The following UTRN variants were observed in gnomAD, a reference collection of about 807,000 sequenced individuals.
UTRN encodes dystrophin-related protein 1.
UTRN carries 283 observed loss-of-function variants against 463.9 expected under a neutral mutation model. The observed-to-expected ratio is 0.61, with a 90% CI of 0.55 to 0.67. The LOEUF is 0.67. UTRN is among the 30% of genes least tolerant of loss of function. The pLI is 0.00. For synonymous variants in UTRN, 1,442 were observed against 1,431.5 expected (o/e 1.01, Z -0.17); for missense variants, 3,922 against 4,084.3 (o/e 0.96, Z 1.08).
chr6:144,461,303 T>C lies in UTRN; in HGVS notation c.2814T>C (p.Asn938=), dbSNP rs761414758. 7 of 1,596,488 alleles carry C rather than the reference T, an allele frequency of 4.4e-6. No homozygotes were observed. The Admixed American group carries it at 5.1e-5, about 12-fold the overall frequency. The change falls in exon 22 of 75, where the codon AAT becomes AAC. Residue 938 remains asparagine (N), a synonymous_variant. Coordinates refer to ENST00000367545, the MANE Select transcript of UTRN (RefSeq NM_007124.3). The part of the protein sequence containing the change: ...NKAQVSLNVL[N]DLAKVEKALQ... ...CCCAGGTGTCTCTGAATGTCCTTAA[T>C]GATCTTGCCAAGGTGGAGAAGGCCC... is the stretch of plus-strand genomic sequence containing the variant.
At chr6:144,782,973 A>G (rs1775978614) in intron 61 of UTRN, among the ~76,000 whole-genome samples, 1 of 152,110 alleles carries the variant, frequency 6.6e-6, no homozygotes, top group South Asian at 2.1e-4. Flanking sequence ...AGGTGGGTGG[A>G]TCACCTGAGG....
At chr6:144,505,378 A>C (rs535517158) in intron 34 of UTRN, among the ~76,000 whole-genome samples, 1 of 151,892 alleles carries the variant, frequency 6.6e-6, no homozygotes, top group Non-Finnish European at 1.5e-5. Flanking sequence ...CTGCTTTCTC[A>C]TGTGGGCAGT....
At position 144,828,837 on chromosome 6, in the gene UTRN, G is replaced by C. The variant is rs915522376; in HGVS notation, c.9647G>C (p.Ser3216Thr). 1 of 1,613,302 alleles carries C rather than the reference G, an allele frequency of 6.2e-7. No individual in the cohort carries two copies. Among genetic ancestry groups the C allele is most frequent in the Admixed American group, 1.7e-5 (1 of 59,944 alleles). The change falls in exon 69 of 75, where the codon AGC becomes ACC. Residue 3216 changes from serine (S) to threonine (T), a missense_variant. Physicochemically the swap from Ser to Thr is moderately conservative, Grantham distance 58. Around this residue, in one of 3 missense-constraint regions of UTRN, gnomAD observed 1,309 missense variants for 1,452.6 expected, o/e 0.90. Transcript: ENST00000367545. ...RTNGSFLTDS[S>T]STTGSVEDEH... ...AATGGGTCTTTTCTCACTGATAGCA[G>C]CTCCACCACAGGAAGTGTGTAAGTA...
chr6:144,629,197 C>T (rs1007713179), intron 51 of UTRN, among the ~76,000 whole-genome samples: 1 of 151,762 alleles, frequency 6.6e-6, no homozygotes, highest in South Asian at 2.1e-4. Flanking sequence ...TGCTTATTTG[C>T]TCTTACTTAT....
chr6:144,305,379 A>G (rs776169336), intron 2 of UTRN, among the ~76,000 whole-genome samples: 1 of 152,240 alleles, frequency 6.6e-6, no homozygotes, highest in Non-Finnish European at 1.5e-5. Flanking sequence ...TATAAACACT[A>G]GATTTCTTTA....
chr6:144,555,355 G>T (rs553452797), intron 49 of UTRN, among the ~76,000 whole-genome samples: 4 of 152,242 alleles, frequency 2.6e-5, no homozygotes, highest in African/African-American at 7.2e-5. Flanking sequence ...TTAAAATCAT[G>T]GTGGAAGGCA....
chr6:144,515,764 A>G (rs527736218), intron 37 of UTRN, among the ~76,000 whole-genome samples: 3 of 152,368 alleles, frequency 2.0e-5, no homozygotes, highest in East Asian at 1.9e-4. Flanking sequence ...AAAAGATGAC[A>G]TTGAGAAATA....
chr6:144,572,248 C>G (rs932220440), intron 50 of UTRN, among the ~76,000 whole-genome samples: 1 of 152,066 alleles, frequency 6.6e-6, no homozygotes, highest in Admixed American at 6.6e-5. Flanking sequence ...TGGGCTGGAT[C>G]TCTTTTTTAT....
At chr6:144,492,968 G>C (rs1793209673) in intron 32 of UTRN, among the ~76,000 whole-genome samples, 1 of 152,184 alleles carries the variant, frequency 6.6e-6, no homozygotes, top group Non-Finnish European at 1.5e-5. Flanking sequence ...AATTTTAATT[G>C]TGATAAACAT....
chr6:144,365,250 A>G (rs1278379261), intron 2 of UTRN, among the ~76,000 whole-genome samples: 1 of 152,152 alleles, frequency 6.6e-6, no homozygotes, highest in Non-Finnish European at 1.5e-5. Flanking sequence ...TTAGCAGTTG[A>G]TTTAATAATT....
chr6:144,678,429 C>A lies in UTRN; in HGVS notation c.7503C>A (p.Ala2501=). 4 of 1,610,020 alleles carry A rather than the reference C, an allele frequency of 2.5e-6. No homozygotes were observed. The highest frequency in any genetic ancestry group is 3.4e-6 in the Non-Finnish European group (4 of 1,177,602). ...AGGACATCCAGGCAGAAATTGATGC[C>A]CACAATGACATATTTAAAAGCATTG... is the stretch of plus-strand genomic sequence containing the variant. The part of the protein sequence containing the change: ...QMQDIQAEID[A]HNDIFKSIDG... The change falls in exon 52 of 75, where the codon GCC becomes GCA. Residue 2501 remains alanine (A), a synonymous_variant. Transcript: ENST00000367545.
chr6:144,562,432 T>A lies in UTRN; in HGVS notation c.7289+5121T>A, dbSNP rs925801319. 3.3e-5 allele frequency among the ~76,000 whole-genome samples: 5 copies of A among 152,090 alleles called. No homozygotes were observed. In the East Asian group the frequency reaches 9.7e-4, roughly 29 times the overall value. On this transcript the variant is annotated intron_variant, in intron 50 of 74. Coordinates refer to ENST00000367545, the MANE Select transcript of UTRN (RefSeq NM_007124.3). ...ATGTGTTCTCATTGTTGAGCTCACA[T>A]TTATAAGTGAGAACATGCGGTGTTT...
chr6:144,401,376 A>T (rs974846177), intron 2 of UTRN, among the ~76,000 whole-genome samples: 2 of 152,148 alleles, frequency 1.3e-5, no homozygotes, highest in Admixed American at 1.3e-4. Flanking sequence ...TGGTAGCCTT[A>T]TATTCTGAGT....
intron 47 of UTRN, among the ~76,000 whole-genome samples, chr6:144,550,195 C>T (rs1418626798): frequency 6.6e-6 from 1 of 152,108 alleles, no homozygotes; most frequent in Non-Finnish European, 1.5e-5. Context: ...GATCAGTATT[C>T]ATTACCATGT....
intron 13 of UTRN, among the ~76,000 whole-genome samples, chr6:144,443,337 C>T (rs1005789950): frequency 7.9e-5 from 12 of 152,108 alleles, no homozygotes; most frequent in African/African-American, 2.7e-4. Context: ...GTATTCATGC[C>T]TTGACTATTT....
At chr6:144,739,957 C>T (rs1009075569) in intron 54 of UTRN, among the ~76,000 whole-genome samples, 4 of 152,172 alleles carry the variant, frequency 2.6e-5, no homozygotes, top group African/African-American at 9.7e-5. Context: ...GCAGACATTC[C>T]CAACAAGCCA....
chr6:144,824,735 C>G (rs1189439409), intron 66 of UTRN, among the ~76,000 whole-genome samples: 1 of 140,810 alleles, frequency 7.1e-6, no homozygotes, highest in Non-Finnish European at 1.5e-5. Context: ...TCAAGTGTTC[C>G]TCTTTGGAAA....
intron 51 of UTRN, among the ~76,000 whole-genome samples, chr6:144,598,160 G>T (rs1803849909): frequency 6.6e-6 from 1 of 152,192 alleles, no homozygotes; most frequent in Non-Finnish European, 1.5e-5. Flanking sequence ...ACAGCCCCAG[G>T]AGATCCTGAT....
At chr6:144,607,384 T>G (rs2128640070) in intron 51 of UTRN, among the ~76,000 whole-genome samples, 1 of 152,334 alleles carries the variant, frequency 6.6e-6, no homozygotes, top group African/African-American at 2.4e-5. Flanking sequence ...AGTTCTGCTA[T>G]TTAACTTTGT....
Sources: allele counts gnomAD v4.1 joint callset (sites outside exome capture counted in the v4.1 genomes callset), GRCh38; gene constraint gnomAD v4.1.1; regional missense constraint gnomAD v4.1.1; transcripts MANE v1.5; gene names NCBI Gene and HGNC (gene_info 2026-07-23, HGNC 2026-07-21).